ROBO1: variants seen among roughly 807,000 people sequenced by gnomAD.
ROBO1 encodes roundabout homolog 1.
Under a neutral mutation model 195.9 loss-of-function variants are expected in ROBO1, and 149 were observed. That is an observed-to-expected ratio of 0.76 (90% CI 0.67 to 0.87). The LOEUF is 0.87. ROBO1 is among the 40% of genes least tolerant of loss of function. The pLI is 0.00. For synonymous variants in ROBO1, 816 were observed against 733.2 expected (o/e 1.11, Z -1.82); for missense variants, 1,933 against 2,068.3 (o/e 0.93, Z 1.27).
chr3:78,963,022 T>C (rs1423576565), intron 3 of ROBO1, among the ~76,000 whole-genome samples: 1 of 151,580 alleles, frequency 6.6e-6, no homozygotes, highest in African/African-American at 2.4e-5. Context: ...GCACTCGGTG[T>C]TGAGCATGGA....
chr3:79,301,091 G>C (rs1419848867), intron 2 of ROBO1, among the ~76,000 whole-genome samples: 2 of 152,034 alleles, frequency 1.3e-5, no homozygotes, highest in Non-Finnish European at 2.9e-5. Context: ...TTGTTCTTTC[G>C]CTCTTTGCAA....
At chr3:78,630,719 A>G (rs898564206) in intron 25 of ROBO1, among the ~76,000 whole-genome samples, 6 of 152,150 alleles carry the variant, frequency 3.9e-5, no homozygotes, top group African/African-American at 1.2e-4. Flanking sequence ...TAAAGTTTAC[A>G]TTTCTACAGA....
chr3:78,711,348 C>CTTCCTTCCTTCCT (rs1428531321), intron 8 of ROBO1, among the ~76,000 whole-genome samples: 42 of 54,568 alleles, frequency 7.7e-4, no homozygotes, highest in East Asian at 2.3e-3. Flanking sequence ...TCCTTCCTTC[C>CTTCCTTCCTTCCT]TCCTTCCTTC....
chr3:79,638,758 C>A (rs918487560), intron 1 of ROBO1, among the ~76,000 whole-genome samples: 2 of 152,188 alleles, frequency 1.3e-5, no homozygotes, highest in Non-Finnish European at 2.9e-5. Context: ...CCACTCCAAT[C>A]TAAGTTGAAC....
intron 3 of ROBO1, among the ~76,000 whole-genome samples, chr3:79,056,346 C>A (rs113282990): frequency 4.6e-5 from 7 of 152,124 alleles, no homozygotes; most frequent in African/African-American, 1.7e-4. Flanking sequence ...ATATTGATGA[C>A]ATTTTAATTG....
intron 2 of ROBO1, among the ~76,000 whole-genome samples, chr3:79,154,148 C>T (rs1405979583): frequency 6.6e-6 from 1 of 151,690 alleles, no homozygotes; most frequent in Non-Finnish European, 1.5e-5. Flanking sequence ...AAAACCTGCC[C>T]ATACATAATG....
chr3:79,523,836 C>T (rs985577750), intron 2 of ROBO1, among the ~76,000 whole-genome samples: 1 of 152,124 alleles, frequency 6.6e-6, no homozygotes, highest in Non-Finnish European at 1.5e-5. Flanking sequence ...AATGATAGAA[C>T]ACTGATTTTG....
At chr3:79,203,609 T>C (rs2081809210) in intron 2 of ROBO1, among the ~76,000 whole-genome samples, 3 of 152,160 alleles carry the variant, frequency 2.0e-5, no homozygotes, top group Admixed American at 2.0e-4. Flanking sequence ...AATTTAGATT[T>C]TAGATATGAG....
At position 78,931,022 on chromosome 3, in the gene ROBO1, C is replaced by T. The variant is rs189567178; in HGVS notation, c.499+7579G>A. Reference sequence around the variant, plus strand: ...GGCTAGTTGCTTATTTTCTTTCCCCCCTGCTCCTCTCACCTCCCATTGTCC... The same window carrying T: ...GGCTAGTTGCTTATTTTCTTTCCCCTCTGCTCCTCTCACCTCCCATTGTCC... On this transcript the variant is annotated intron_variant, in intron 4 of 30. Transcript: ENST00000464233. 7.9e-5 allele frequency among the ~76,000 whole-genome samples: 12 copies of T among 152,146 alleles called. No individual in the cohort carries two copies. In the East Asian group the frequency reaches 2.3e-3, roughly 29 times the overall value.
chr3:79,485,749 G>T (rs190255725), intron 2 of ROBO1, among the ~76,000 whole-genome samples: 1 of 152,144 alleles, frequency 6.6e-6, no homozygotes, highest in Non-Finnish European at 1.5e-5. Flanking sequence ...ATTGTCAACC[G>T]CAGACACATG....
At chr3:79,385,173 G>C (rs1352946160) in intron 2 of ROBO1, among the ~76,000 whole-genome samples, 2 of 151,990 alleles carry the variant, frequency 1.3e-5, no homozygotes, top group Non-Finnish European at 2.9e-5. Context: ...TTCACTATTT[G>C]TATTTCTTAA....
rs563361066 is a variant in ROBO1, at chr3:79,267,969, T to A, written c.89-142430A>T. Among the ~76,000 whole-genome samples the A allele has an allele frequency of 4.0e-5, 6 of 151,752 alleles. No homozygotes were observed. In the South Asian group the frequency reaches 6.2e-4, roughly 16 times the overall value. On this transcript the variant is annotated intron_variant, in intron 2 of 30. Coordinates refer to ENST00000464233, the MANE Select transcript of ROBO1 (RefSeq NM_002941.4). The stretch of plus-strand genomic sequence containing the variant: ...AGCAAATTATAAGATTCATTCATCA[T>A]CCATGGGAAAATCATATTTCAGGCT...
At chr3:78,680,384 A>C (rs946133164) in intron 10 of ROBO1, among the ~76,000 whole-genome samples, 4 of 152,178 alleles carry the variant, frequency 2.6e-5, no homozygotes, top group African/African-American at 9.7e-5. Flanking sequence ...CTACCATCAG[A>C]GTGAACAGGC....
chr3:79,445,481 GTTTTT>G (rs34514488), intron 2 of ROBO1, among the ~76,000 whole-genome samples: 3 of 85,718 alleles, frequency 3.5e-5, no homozygotes, highest in Non-Finnish European at 6.4e-5. Context: ...TACAGAAATT[GTTTTT>G]TTTTTTTTTT....
chr3:79,517,830 C>G (rs1575955329), intron 2 of ROBO1, among the ~76,000 whole-genome samples: 1 of 152,166 alleles, frequency 6.6e-6, no homozygotes, highest in African/African-American at 2.4e-5. Context: ...CTGTGGCAGT[C>G]TCATTCAAAC....
chr3:79,533,146 T>C (rs1241733232), intron 2 of ROBO1: 2 of 422,590 alleles, frequency 4.7e-6, no homozygotes, highest in Non-Finnish European at 9.4e-6. Context: ...TTTTATAATA[T>C]GGAGGCTGCA....
At chr3:79,343,800 G>T (rs2035001533) in intron 2 of ROBO1, among the ~76,000 whole-genome samples, 1 of 152,086 alleles carries the variant, frequency 6.6e-6, no homozygotes, top group Admixed American at 6.6e-5. Context: ...AGCAAAGTCT[G>T]GGAAGAAAAA....
At chr3:78,958,615 A>C (rs1374131743) in intron 3 of ROBO1, among the ~76,000 whole-genome samples, 2 of 151,256 alleles carry the variant, frequency 1.3e-5, no homozygotes, top group African/African-American at 4.9e-5. Context: ...CTATATATTA[A>C]AAAAATCCAC....
intron 1 of ROBO1, among the ~76,000 whole-genome samples, chr3:79,655,173 A>T (rs1461114732): frequency 6.6e-6 from 1 of 152,072 alleles, no homozygotes; most frequent in Non-Finnish European, 1.5e-5. Context: ...TTTAGAATCA[A>T]GTGAACCTCA....
Sources: gnomAD v4.1 joint callset for allele counts (sites outside exome capture counted in the v4.1 genomes callset) on GRCh38, gnomAD v4.1.1 for gene constraint, MANE v1.5 for transcripts, NCBI Gene and HGNC (gene_info 2026-07-23, HGNC 2026-07-21) for gene names.